DOCK3: variants seen among roughly 807,000 people sequenced by gnomAD.
DOCK3 encodes dedicator of cytokinesis 3, also known as dedicator of cytokinesis protein 3.
Under a neutral mutation model 265.6 loss-of-function variants are expected in DOCK3, and 60 were observed. That is an observed-to-expected ratio of 0.23 (90% CI 0.18 to 0.28). The LOEUF is 0.28. DOCK3 is among the 10% of genes least tolerant of loss of function. DOCK3 has a pLI of 1.00. For missense variants in DOCK3, 1,981 were observed against 2,594.3 expected (o/e 0.76, Z 5.14); for synonymous variants, 881 against 938.0 (o/e 0.94, Z 1.11).
At chr3:50,941,751 T>TA (rs1382283966) in intron 5 of DOCK3, among the ~76,000 whole-genome samples, 2 of 152,074 alleles carry the variant, frequency 1.3e-5, no homozygotes, top group Admixed American at 1.3e-4. Context: ...TCCAGCAACT[T>TA]AGAGTGATTG....
intron 50 of DOCK3, 37 bp from the exon 51 acceptor site, chr3:51,375,711 G>A (rs2088057285): frequency 6.2e-7 from 1 of 1,612,254 alleles, no homozygotes. Flanking sequence ...ATAATTGGTT[G>A]TTTTCACTCT....
chr3:50,707,221 CA>C (rs1576175502), intron 1 of DOCK3, among the ~76,000 whole-genome samples: 1 of 151,034 alleles, frequency 6.6e-6, no homozygotes, highest in African/African-American at 2.4e-5. Context: ...CTTGGCCAGG[CA>C]TGGTGGCTCA....
rs782286280 is a variant in DOCK3 at position 51,381,262 on chromosome 3, C to T, written c.5796C>T (p.Tyr1932=). Residue 1932 remains tyrosine, a synonymous_variant, in exon 53 of 53, where the codon TAC becomes TAT. Coordinates refer to ENST00000266037, the MANE Select transcript of DOCK3 (RefSeq NM_004947.5). This position sits in a 1 kb window ranked among gnomAD's most constrained non-coding sequence, Gnocchi z 5.6. ...WNADEDLEPP[Y]LPVHYSLSES... is the part of the protein sequence containing the mutation. ...CTGACGAAGATCTTGAGCCACCCTACCTCCCTGTCCACTACAGCCTCTCTG... is the reference window on the plus strand; with the variant it reads ...CTGACGAAGATCTTGAGCCACCCTATCTCCCTGTCCACTACAGCCTCTCTG... 1.9e-6 allele frequency: 3 copies of T among 1,613,774 alleles called. No homozygotes were observed. Among genetic ancestry groups the T allele is most frequent in the Non-Finnish European group, 2.5e-6 (3 of 1,179,886 alleles).
intron 5 of DOCK3, among the ~76,000 whole-genome samples, chr3:51,032,052 A>G (rs72943137): frequency 0.073 from 11,152 of 152,152 alleles, 1,020 homozygotes; most frequent in East Asian, 0.34. Flanking sequence ...AAATGAAACT[A>G]AGACACCACC....
chr3:51,205,700 A>G (rs2089162315), intron 12 of DOCK3, among the ~76,000 whole-genome samples: 1 of 152,122 alleles, frequency 6.6e-6, no homozygotes, highest in South Asian at 2.1e-4. Flanking sequence ...GACCCTGTAT[A>G]GATCAGTTAA....
At chr3:51,155,048 C>G (rs567063369) in intron 10 of DOCK3, among the ~76,000 whole-genome samples, 6 of 152,254 alleles carry the variant, frequency 3.9e-5, no homozygotes, top group Admixed American at 2.6e-4. Flanking sequence ...CTGATCATAG[C>G]TCACATAAAA....
chr3:51,281,838 A>T (rs2081135129), intron 27 of DOCK3, among the ~76,000 whole-genome samples: 1 of 152,062 alleles, frequency 6.6e-6, no homozygotes, highest in Non-Finnish European at 1.5e-5. Context: ...GAGGACTTGG[A>T]CTTGTTCATT....
chr3:51,253,512 T>G (rs1170749248), intron 22 of DOCK3, among the ~76,000 whole-genome samples: 1 of 152,176 alleles, frequency 6.6e-6, no homozygotes, highest in African/African-American at 2.4e-5. Flanking sequence ...TTTTGGTTGG[T>G]AGGCTATTAA....
At chr3:51,276,394 G>C in intron 25 of DOCK3, 1 of 985,380 alleles carries the variant, frequency 1.0e-6, no homozygotes, top group Non-Finnish European at 1.2e-6. Context: ...CTAAAGGAAG[G>C]AGAGAAATTG....
chr3:50,982,090 C>G (rs561000547), intron 5 of DOCK3, among the ~76,000 whole-genome samples: 12 of 152,218 alleles, frequency 7.9e-5, no homozygotes, highest in African/African-American at 2.9e-4. Context: ...CTCAGGTGAT[C>G]CACCTGCCTC....
intron 23 of DOCK3, among the ~76,000 whole-genome samples, chr3:51,264,777 A>G (rs1319287010): frequency 2.0e-5 from 3 of 151,942 alleles, no homozygotes; most frequent in Non-Finnish European, 4.4e-5. Context: ...CAGTGAGCCA[A>G]GATCGCGCCA....
chr3:51,034,282 T>G (rs13088462), intron 5 of DOCK3, among the ~76,000 whole-genome samples: 1 of 152,098 alleles, frequency 6.6e-6, no homozygotes, highest in Non-Finnish European at 1.5e-5. Context: ...TTCCTAGCAT[T>G]TCATTAGCTT....
Position 51,229,612 on chromosome 3 carries a change from A to T in DOCK3, c.1917+3A>T. On this transcript the variant is annotated splice_donor_region_variant and intron_variant, in intron 19 of 52. Transcript: ENST00000266037. ...TCAGTGGGGAGGAAATTGTTAAGGT[A>T]TGTCTTCCATATAATTTAAACATAC... The T allele has an allele frequency of 1.3e-6, 2 of 1,596,952 alleles. No homozygotes were observed. The highest frequency in any genetic ancestry group is 1.7e-6 in the Non-Finnish European group (2 of 1,171,924).
chr3:50,809,687 C>T (rs1000035118), intron 2 of DOCK3, among the ~76,000 whole-genome samples: 2 of 152,100 alleles, frequency 1.3e-5, no homozygotes, highest in African/African-American at 4.8e-5. Context: ...GTGGTATATT[C>T]ATACAACTGA....
At chr3:51,252,455 T>C (rs2079305490) in intron 22 of DOCK3, among the ~76,000 whole-genome samples, 2 of 152,242 alleles carry the variant, frequency 1.3e-5, no homozygotes, top group African/African-American at 4.8e-5. Context: ...CCTTGGGCAG[T>C]ATGGCCATTT....
At chr3:50,841,909 T>A (rs1384779524) in intron 3 of DOCK3, among the ~76,000 whole-genome samples, 194 bp downstream of exon 3, 3 of 151,754 alleles carry the variant, frequency 2.0e-5, no homozygotes, top group African/African-American at 4.8e-5. Flanking sequence ...GGACAGGAAA[T>A]GCAAATATCA....
chr3:51,028,282 T>C (rs1427088067), intron 5 of DOCK3, among the ~76,000 whole-genome samples: 3 of 152,202 alleles, frequency 2.0e-5, no homozygotes, highest in Non-Finnish European at 4.4e-5. Context: ...AGGTTTCTGC[T>C]GAGAAGTCTG....
intron 38 of DOCK3, among the ~76,000 whole-genome samples, chr3:51,346,935 T>G (rs2085624966): frequency 6.6e-6 from 1 of 152,278 alleles, no homozygotes; most frequent in African/African-American, 2.4e-5. Context: ...CATAAATGTC[T>G]TCTTTTGAGA....
At chr3:51,253,570 A>G (rs1280196766) in intron 22 of DOCK3, among the ~76,000 whole-genome samples, 5 of 151,900 alleles carry the variant, frequency 3.3e-5, no homozygotes, top group African/African-American at 1.2e-4. Flanking sequence ...CAGGGATTCA[A>G]CTTCTTCCTG....
Sources: allele counts gnomAD v4.1 joint callset (sites outside exome capture counted in the v4.1 genomes callset), GRCh38; gene constraint gnomAD v4.1.1; non-coding constraint Gnocchi (gnomAD v3.1); transcripts MANE v1.5; gene names NCBI Gene and HGNC (gene_info 2026-07-23, HGNC 2026-07-21).